Variants in XYLT1 observed in about 807,000 individuals in gnomAD.
XYLT1 encodes beta-D-xylosyltransferase 1.
In XYLT1, 36 loss-of-function variants were observed where a neutral mutation model predicts 91.3. That is an observed-to-expected ratio of 0.39 (90% CI 0.30 to 0.52). XYLT1 has a LOEUF of 0.52. Among genes scored for constraint, XYLT1 ranks in the 20% least tolerant of loss-of-function variants. XYLT1 has a pLI of 0.68. For missense variants in XYLT1, 1,242 were observed against 1,284.5 expected (o/e 0.97, Z 0.51); for synonymous variants, 588 against 532.0 (o/e 1.11, Z -1.45).
At chr16:17,302,057 CA>C (rs1567364221) in intron 2 of XYLT1, among the ~76,000 whole-genome samples, 1 of 151,950 alleles carries the variant, frequency 6.6e-6, no homozygotes, top group Non-Finnish European at 1.5e-5. Context: ...ACTAAAAATG[CA>C]AAAATTAGCC....
chr16:17,226,306 A>T (rs2033065652), intron 3 of XYLT1, among the ~76,000 whole-genome samples: 1 of 152,196 alleles, frequency 6.6e-6, no homozygotes, highest in Admixed American at 6.5e-5. Context: ...GGGACATTCA[A>T]GGCCACCGTT....
At chr16:17,344,689 G>A (rs570046667) in intron 2 of XYLT1, among the ~76,000 whole-genome samples, 1 of 151,682 alleles carries the variant, frequency 6.6e-6, no homozygotes, top group Admixed American at 6.6e-5. Context: ...ATGTGTCTTC[G>A]CAGCCAACTG....
intron 5 of XYLT1, among the ~76,000 whole-genome samples, chr16:17,185,874 G>A (rs2032172378): frequency 6.6e-6 from 1 of 152,068 alleles, no homozygotes; most frequent in Non-Finnish European, 1.5e-5. Flanking sequence ...GGTGGAGAGT[G>A]CCTGTAATCC....
chr16:17,272,026 G>A (rs1049274043), intron 2 of XYLT1, among the ~76,000 whole-genome samples: 9 of 152,138 alleles, frequency 5.9e-5, no homozygotes, highest in African/African-American at 2.2e-4. Context: ...GCAGCTGCAT[G>A]AGGAAAGCGG....
intron 3 of XYLT1, among the ~76,000 whole-genome samples, chr16:17,238,963 C>T (rs2141731449): frequency 6.6e-6 from 1 of 152,350 alleles, no homozygotes; most frequent in Admixed American, 6.5e-5. Context: ...CCATTTCAGT[C>T]AGTGATAGCA....
chr16:17,337,614 A>C (rs1368680558), intron 2 of XYLT1, among the ~76,000 whole-genome samples: 1 of 152,104 alleles, frequency 6.6e-6, no homozygotes, highest in Non-Finnish European at 1.5e-5. Context: ...GAGGTTCCTT[A>C]GATCTCTCCC....
At chr16:17,392,284 T>C (rs1162543426) in intron 1 of XYLT1, among the ~76,000 whole-genome samples, 2 of 152,192 alleles carry the variant, frequency 1.3e-5, no homozygotes, top group Non-Finnish European at 2.9e-5. Flanking sequence ...CCATTCTCTC[T>C]GCCGCCTCAA....
intron 2 of XYLT1, among the ~76,000 whole-genome samples, chr16:17,301,765 C>T (rs1309046570): frequency 6.6e-6 from 1 of 152,190 alleles, no homozygotes; most frequent in Non-Finnish European, 1.5e-5. Context: ...TAGATGAAGA[C>T]TCGGAGGTTT....
At chr16:17,400,604 A>G (rs1310060496) in intron 1 of XYLT1, among the ~76,000 whole-genome samples, 3 of 121,326 alleles carry the variant, frequency 2.5e-5, no homozygotes, top group Admixed American at 1.7e-4. Context: ...AAAAAGAAAG[A>G]GAGGGAGGGA....
chr16:17,146,534 C>T (rs181221606), intron 6 of XYLT1, among the ~76,000 whole-genome samples: 79 of 152,014 alleles, frequency 5.2e-4, no homozygotes, highest in Admixed American at 2.9e-3. Context: ...AGCCTGAATA[C>T]GAAAAAACAA....
intron 3 of XYLT1, among the ~76,000 whole-genome samples, chr16:17,208,002 T>C (rs945822925): frequency 2.0e-5 from 3 of 152,178 alleles, no homozygotes; most frequent in African/African-American, 7.2e-5. Context: ...TTTTTCTTTT[T>C]CAGAGATTGA....
Position 17,273,219 on chromosome 16 carries a change from TC to T in XYLT1, c.403-13722del, listed in dbSNP as rs200267966. Among the ~76,000 whole-genome samples, 1,365 of 152,340 alleles carry T rather than the reference TC, an allele frequency of 9.0e-3. 21 individuals carry two copies. The highest frequency in any genetic ancestry group is 0.013 in the Non-Finnish European group (887 of 68,026). On this transcript the variant is annotated intron_variant, in intron 2 of 11. Transcript: ENST00000261381. ...TCTAGGAAAGTAACTACTGTTTCAC[TC>T]AAGAAGAGATTTTATATCACTTAGT... is the stretch of plus-strand genomic sequence containing the variant.
intron 3 of XYLT1, among the ~76,000 whole-genome samples, chr16:17,244,942 A>C (rs2033411990): frequency 6.6e-6 from 1 of 152,216 alleles, no homozygotes; most frequent in Non-Finnish European, 1.5e-5. Context: ...CTTTCATCCC[A>C]CAGCCAGATA....
intron 2 of XYLT1, among the ~76,000 whole-genome samples, chr16:17,310,771 C>T (rs1269827478): frequency 1.3e-5 from 2 of 152,132 alleles, no homozygotes; most frequent in Non-Finnish European, 2.9e-5. Flanking sequence ...ATCACTTGAA[C>T]CTAGGAGGCA....
At chr16:17,337,542 G>C (rs2034999249) in intron 2 of XYLT1, among the ~76,000 whole-genome samples, 1 of 152,050 alleles carries the variant, frequency 6.6e-6, no homozygotes, top group African/African-American at 2.4e-5. Context: ...CTCCTTGGGT[G>C]CAGGACTTCA....
chr16:17,243,078 G>T (rs2033372741), intron 3 of XYLT1, among the ~76,000 whole-genome samples: 1 of 152,140 alleles, frequency 6.6e-6, no homozygotes, highest in Non-Finnish European at 1.5e-5. Flanking sequence ...TATAAACAAA[G>T]GTGTACAAAT....
At chr16:17,387,809 G>A (rs1200474353) in intron 1 of XYLT1, among the ~76,000 whole-genome samples, 2 of 152,140 alleles carry the variant, frequency 1.3e-5, no homozygotes, top group African/African-American at 2.4e-5. Context: ...GCTCAACATT[G>A]GCATGCCTAT....
At chr16:17,429,976 G>A (rs572164206) in intron 1 of XYLT1, among the ~76,000 whole-genome samples, 9 of 141,772 alleles carry the variant, frequency 6.3e-5, no homozygotes, top group South Asian at 2.2e-4. Context: ...TTGCTCGGTC[G>A]CCCAGGCTGG....
intron 2 of XYLT1, among the ~76,000 whole-genome samples, chr16:17,319,545 C>G (rs1337607492): frequency 6.6e-6 from 1 of 151,868 alleles, no homozygotes; most frequent in Non-Finnish European, 1.5e-5. Flanking sequence ...CGGATTCAAG[C>G]GATTCTCATG....
Sources: allele counts gnomAD v4.1 joint callset (sites outside exome capture counted in the v4.1 genomes callset), GRCh38; gene constraint gnomAD v4.1.1; transcripts MANE v1.5; gene names NCBI Gene and HGNC (gene_info 2026-07-23, HGNC 2026-07-21).